Variants in ZBTB7C observed in about 807,000 individuals in gnomAD.
ZBTB7C encodes zinc finger and BTB domain containing 7C, also known as zinc finger and BTB domain-containing protein 7C.
A neutral mutation model predicts 25.7 loss-of-function variants in ZBTB7C; 8 were observed. The ratio of observed to expected loss-of-function variants is 0.31; its 90% CI spans 0.18 to 0.56. The LOEUF is 0.56. Ranked by LOEUF, ZBTB7C falls within the 20% of genes least tolerant of loss-of-function variation. The probability of loss-of-function intolerance (pLI) is 0.91; values close to 1 mark genes in which losing one functional copy is unlikely to be tolerated. For synonymous variants in ZBTB7C, 394 were observed against 369.0 expected (o/e 1.07, Z -0.78); for missense variants, 824 against 855.2 (o/e 0.96, Z 0.46).
chr18:48,332,665 C>G (rs1288631389), intron 2 of ZBTB7C, among the ~76,000 whole-genome samples: 4 of 143,838 alleles, frequency 2.8e-5, no homozygotes, highest in Admixed American at 7.2e-5. Flanking sequence ...CCTTTTACCT[C>G]TCCTTTGCTT....
At position 48,029,499 on chromosome 18, in the gene ZBTB7C, C is replaced by T. The variant is rs769538320; in HGVS notation, c.1621G>A (p.Ala541Thr). ...AKHFLAAPKG[A>T]LSLQELERQF... ...CGCTCCAGCTCTTGCAGGCTCAGGGCGCCCTTGGGCGCTGCCAGGAAGTGC... is the reference window on the plus strand; with the variant it reads ...CGCTCCAGCTCTTGCAGGCTCAGGGTGCCCTTGGGCGCTGCCAGGAAGTGC... The change falls in exon 5 of 5, where the codon GCC (alanine) becomes ACC (threonine). Residue 541 changes from alanine to threonine, a missense_variant. This residue lies in a region of ZBTB7C where 342 missense variants were observed against 307.0 expected (regional missense o/e 1.11). Coordinates refer to ENST00000590800, the MANE Select transcript of ZBTB7C (RefSeq NM_001318841.2). 4 of 1,590,862 alleles carry T rather than the reference C, an allele frequency of 2.5e-6. No individual in the cohort carries two copies. The highest frequency in any genetic ancestry group is 1.4e-5 in the African/African-American group (1 of 73,056).
chr18:48,317,117 A>G (rs2045966229), intron 2 of ZBTB7C, among the ~76,000 whole-genome samples: 1 of 152,170 alleles, frequency 6.6e-6, no homozygotes. Flanking sequence ...TACTAAAAAT[A>G]CAAAAATCAG....
intron 3 of ZBTB7C, among the ~76,000 whole-genome samples, chr18:48,105,872 G>A (rs1445481295): frequency 6.6e-6 from 1 of 152,170 alleles, no homozygotes; most frequent in Non-Finnish European, 1.5e-5. Context: ...CTGACATCTT[G>A]TGTCTCAATA....
intron 3 of ZBTB7C, among the ~76,000 whole-genome samples, chr18:48,120,603 C>A (rs781290388): frequency 6.6e-6 from 1 of 151,612 alleles, no homozygotes. Context: ...AGTGAGACTC[C>A]GTCTTAAAAA....
intron 2 of ZBTB7C, among the ~76,000 whole-genome samples, chr18:48,308,356 G>C (rs991752114): frequency 2.0e-5 from 3 of 152,150 alleles, no homozygotes; most frequent in Non-Finnish European, 2.9e-5. Flanking sequence ...CTGGCATTTA[G>C]GGCAGGATGA....
chr18:48,387,700 G>A (rs780032200), intron 1 of ZBTB7C, among the ~76,000 whole-genome samples: 18 of 152,334 alleles, frequency 1.2e-4, no homozygotes, highest in Non-Finnish European at 2.5e-4. Context: ...CACACAGCAA[G>A]GGCTAGCTTT....
At chr18:48,235,806 G>T (rs1219543231) in intron 2 of ZBTB7C, among the ~76,000 whole-genome samples, 1 of 152,074 alleles carries the variant, frequency 6.6e-6, no homozygotes, top group East Asian at 1.9e-4. Context: ...TGTTTTTCCA[G>T]TTTTGTTGTC....
chr18:48,203,915 T>C (rs74318501), intron 2 of ZBTB7C, among the ~76,000 whole-genome samples: 2,845 of 152,182 alleles, frequency 0.019, 99 homozygotes, highest in African/African-American at 0.065. Context: ...AGGGGGTGTC[T>C]CCTCTACTCA....
intron 3 of ZBTB7C, among the ~76,000 whole-genome samples, chr18:48,131,365 G>C (rs2039979833): frequency 6.6e-6 from 1 of 152,202 alleles, no homozygotes; most frequent in South Asian, 2.1e-4. Context: ...TAACTTCCAA[G>C]AAGCACTGGA....
chr18:48,082,884 G>A (rs1015234684), intron 3 of ZBTB7C, among the ~76,000 whole-genome samples: 1 of 152,178 alleles, frequency 6.6e-6, no homozygotes, highest in South Asian at 2.1e-4. Context: ...ACTGCTGGGT[G>A]AATGAGGTCT....
intron 3 of ZBTB7C, chr18:48,083,938 T>G: frequency 1.0e-6 from 1 of 971,738 alleles, no homozygotes; most frequent in Non-Finnish European, 1.2e-6. Flanking sequence ...GAAGCAGGCC[T>G]TTAAACACGA....
chr18:48,160,858 C>T (rs564311840), intron 3 of ZBTB7C, among the ~76,000 whole-genome samples: 5 of 151,984 alleles, frequency 3.3e-5, no homozygotes, highest in African/African-American at 1.2e-4. Flanking sequence ...CCCTGAAAGG[C>T]CTCCCCTGTC....
chr18:48,201,788 G>A (rs1202214170), intron 2 of ZBTB7C, among the ~76,000 whole-genome samples: 7 of 152,136 alleles, frequency 4.6e-5, no homozygotes, highest in East Asian at 1.9e-4. Context: ...TTTCTAATCC[G>A]AGGCGCGCAT....
chr18:48,253,622 C>G (rs78306029), intron 2 of ZBTB7C, among the ~76,000 whole-genome samples: 2,745 of 152,186 alleles, frequency 0.018, 89 homozygotes, highest in African/African-American at 0.063. Flanking sequence ...GTTCATAGGA[C>G]AGAGCACCAG....
At chr18:48,339,152 T>G (rs1253985436) in intron 1 of ZBTB7C, among the ~76,000 whole-genome samples, 4 of 152,220 alleles carry the variant, frequency 2.6e-5, no homozygotes, top group Non-Finnish European at 4.4e-5. Flanking sequence ...GGTCTGCCCA[T>G]CTCCGGACAA....
At chr18:48,273,208 C>T (rs577796204) in intron 2 of ZBTB7C, among the ~76,000 whole-genome samples, 9 of 151,628 alleles carry the variant, frequency 5.9e-5, no homozygotes, top group Admixed American at 1.3e-4. Flanking sequence ...TACTTGACAC[C>T]GATCATAAAG....
intron 3 of ZBTB7C, among the ~76,000 whole-genome samples, chr18:48,128,934 G>T (rs993463232): frequency 2.0e-5 from 3 of 152,066 alleles, no homozygotes; most frequent in Non-Finnish European, 2.9e-5. Context: ...CTGAGAAGGG[G>T]ACCATGTGGT....
intron 3 of ZBTB7C, chr18:48,137,370 T>C: frequency 1.0e-6 from 1 of 977,178 alleles, no homozygotes; most frequent in Non-Finnish European, 1.2e-6. Context: ...GCTTTTCTTT[T>C]CCCCTCTTTT....
At chr18:48,036,693 G>T (rs1191866519) in intron 4 of ZBTB7C, among the ~76,000 whole-genome samples, 2 of 152,234 alleles carry the variant, frequency 1.3e-5, no homozygotes, top group Non-Finnish European at 2.9e-5. Context: ...GTCTCAGGAA[G>T]TGGCGTGGCC....
Sources: gnomAD v4.1 joint callset for allele counts (sites outside exome capture counted in the v4.1 genomes callset) on GRCh38, gnomAD v4.1.1 for gene constraint, gnomAD v4.1.1 regional missense constraint, MANE v1.5 for transcripts, NCBI Gene and HGNC (gene_info 2026-07-23, HGNC 2026-07-21) for gene names.